RBFOX1: variants seen among roughly 807,000 people sequenced by gnomAD.
RBFOX1 encodes the protein RNA binding protein fox-1 homolog 1.
RBFOX1 carries 8 observed loss-of-function variants against 57.7 expected under a neutral mutation model. The observed-to-expected ratio is 0.14, with a 90% CI of 0.08 to 0.25. The LOEUF is 0.25. RBFOX1 is among the 10% of genes least tolerant of loss of function. RBFOX1 has a pLI of 1.00. For synonymous variants in RBFOX1, 326 were observed against 222.4 expected, an observed-to-expected ratio of 1.47 and a Z score of -4.15; for missense variants, 611 against 548.5, an observed-to-expected ratio of 1.11 and a Z score of -1.14.
chr16:5,451,160 G>C (rs2068415356), intron 1 of RBFOX1, among the ~76,000 whole-genome samples: 1 of 152,174 alleles, frequency 6.6e-6, no homozygotes. Context: ...TGTCTGATGT[G>C]AGAGAACCAG....
At chr16:5,449,346 G>A (rs1567526732) in intron 1 of RBFOX1, among the ~76,000 whole-genome samples, 1 of 152,146 alleles carries the variant, frequency 6.6e-6, no homozygotes, top group African/African-American at 2.4e-5. Context: ...CATCTCTTCA[G>A]GTTGCTTTGT....
chr16:5,452,621 T>C (rs1465498963), intron 1 of RBFOX1, among the ~76,000 whole-genome samples: 1 of 151,946 alleles, frequency 6.6e-6, no homozygotes, highest in South Asian at 2.1e-4. Flanking sequence ...CCCAGTGACC[T>C]TTCTGAAAAG....
intron 1 of RBFOX1, among the ~76,000 whole-genome samples, chr16:5,281,508 A>G (rs890723290): frequency 1.3e-5 from 2 of 152,310 alleles, no homozygotes; most frequent in East Asian, 3.9e-4. Context: ...GAACTGTCCA[A>G]TGCTGAGAGT....
chr16:7,672,940 T>A (rs1326830704), intron 13 of RBFOX1, among the ~76,000 whole-genome samples: 2 of 150,108 alleles, frequency 1.3e-5, no homozygotes, highest in Non-Finnish European at 2.9e-5. Context: ...AATGTTCTTA[T>A]AAGTATTATA....
At chr16:5,560,990 A>T (rs2151106341) in intron 2 of RBFOX1, among the ~76,000 whole-genome samples, 1 of 152,312 alleles carries the variant, frequency 6.6e-6, no homozygotes, top group Middle Eastern at 3.4e-3. Flanking sequence ...AGAAATGGTT[A>T]ATGCCAGGAC....
At chr16:6,098,492 C>A (rs964076083) in intron 1 of RBFOX1, among the ~76,000 whole-genome samples, 5 of 152,188 alleles carry the variant, frequency 3.3e-5, no homozygotes, top group Middle Eastern at 3.2e-3. Flanking sequence ...GCACTAAGCA[C>A]CTTTTGAGTT....
intron 3 of RBFOX1, among the ~76,000 whole-genome samples, chr16:5,737,554 T>C (rs2052623238): frequency 6.6e-6 from 1 of 150,798 alleles, no homozygotes; most frequent in African/African-American, 2.4e-5. Flanking sequence ...CCTGTCCATG[T>C]ACTACAATTT....
intron 2 of RBFOX1, among the ~76,000 whole-genome samples, chr16:6,562,331 C>G (rs1029834809): frequency 6.6e-6 from 1 of 152,218 alleles, no homozygotes; most frequent in African/African-American, 2.4e-5. Context: ...TAAGGCAACA[C>G]TAGTATTCAC....
intron 3 of RBFOX1, among the ~76,000 whole-genome samples, chr16:6,913,263 C>G (rs574688026): frequency 1.3e-5 from 2 of 152,098 alleles, no homozygotes; most frequent in Admixed American, 6.5e-5. Flanking sequence ...TATAAAGTAG[C>G]ACTTTTAATT....
intron 1 of RBFOX1, among the ~76,000 whole-genome samples, chr16:5,296,607 C>G (rs528041225): frequency 6.6e-6 from 1 of 150,928 alleles, no homozygotes; most frequent in Non-Finnish European, 1.5e-5. Context: ...GAACATTTTC[C>G]TCCTTTCTGA....
intron 4 of RBFOX1, among the ~76,000 whole-genome samples, chr16:7,392,478 C>T (rs1218850253): frequency 2.6e-5 from 4 of 152,150 alleles, no homozygotes; most frequent in Non-Finnish European, 4.4e-5. Flanking sequence ...AACCCAGGCA[C>T]TCTTTATGGT....
At chr16:5,606,379 C>T (rs1332190098) in intron 3 of RBFOX1, among the ~76,000 whole-genome samples, 2 of 152,004 alleles carry the variant, frequency 1.3e-5, no homozygotes, top group Non-Finnish European at 2.9e-5. Flanking sequence ...TCAGAAAAGC[C>T]TTGTTCAGAG....
intron 3 of RBFOX1, among the ~76,000 whole-genome samples, chr16:6,809,348 C>T (rs923781579): frequency 2.0e-5 from 3 of 152,066 alleles, no homozygotes; most frequent in African/African-American, 7.2e-5. Context: ...ATGTAGATTG[C>T]CTCTAAGTGC....
chr16:6,113,019 G>A (rs1458898694), intron 1 of RBFOX1, among the ~76,000 whole-genome samples: 1 of 152,116 alleles, frequency 6.6e-6, no homozygotes, highest in South Asian at 2.1e-4. Flanking sequence ...TGCCACCATG[G>A]TTCTGTGTAA....
intron 5 of RBFOX1, among the ~76,000 whole-genome samples, chr16:7,520,911 C>T (rs1054645212): frequency 2.6e-5 from 4 of 152,060 alleles, no homozygotes; most frequent in Admixed American, 1.3e-4. Flanking sequence ...ATTTATTAAG[C>T]TTCTATTAGG....
At chr16:6,771,542 C>G (rs1040161904) in intron 3 of RBFOX1, among the ~76,000 whole-genome samples, 1 of 152,142 alleles carries the variant, frequency 6.6e-6, no homozygotes, top group African/African-American at 2.4e-5. Context: ...CACTTCTGCT[C>G]AAGTCTACCT....
intron 3 of RBFOX1, among the ~76,000 whole-genome samples, chr16:5,640,517 TAC>T (rs1261555307): frequency 2.7e-5 from 4 of 147,434 alleles, no homozygotes; most frequent in African/African-American, 1.0e-4. Context: ...TACATGCACA[TAC>T]ACACATGCAC....
chr16:7,418,772 G>GTGTCTCAACTC (rs199733814), intron 4 of RBFOX1, among the ~76,000 whole-genome samples: 5 of 65,414 alleles, frequency 7.6e-5, no homozygotes, highest in African/African-American at 2.5e-4. Context: ...CACTGTGTCT[G>GTGTCTCAACTC]TGTCTCTATC....
At chr16:5,776,142 G>A (rs1000857692) in intron 3 of RBFOX1, among the ~76,000 whole-genome samples, 2 of 152,216 alleles carry the variant, frequency 1.3e-5, no homozygotes, top group African/African-American at 4.8e-5. Flanking sequence ...GCATTACAAC[G>A]TTCTTGGAAA....
Sources: allele counts gnomAD v4.1 joint callset (sites outside exome capture counted in the v4.1 genomes callset), GRCh38; gene constraint gnomAD v4.1.1; transcripts MANE v1.5; gene names NCBI Gene and HGNC (gene_info 2026-07-23, HGNC 2026-07-21).